The following NRXN3 variants were observed in gnomAD, a reference collection of about 807,000 sequenced individuals.
NRXN3 encodes the protein neurexin 3.
In NRXN3, 32 loss-of-function variants were observed where a neutral mutation model predicts 137.6. The observed-to-expected ratio is 0.23, with a 90% CI of 0.18 to 0.31. The LOEUF is 0.31. Ranked by LOEUF, NRXN3 falls within the 10% of genes least tolerant of loss-of-function variation. The pLI is 1.00. For synonymous variants in NRXN3, 798 were observed against 784.5 expected, an observed-to-expected ratio of 1.02 and a Z score of -0.29; for missense variants, 1,574 against 2,062.5, an observed-to-expected ratio of 0.76 and a Z score of 4.59.
At chr14:79,294,401 A>C (rs906740683) in intron 15 of NRXN3, among the ~76,000 whole-genome samples, 1 of 152,232 alleles carries the variant, frequency 6.6e-6, no homozygotes, top group Non-Finnish European at 1.5e-5. Flanking sequence ...TAGTTTGGGC[A>C]TATCCCTCTA....
chr14:79,626,555 T>C (rs2098283516), intron 16 of NRXN3, among the ~76,000 whole-genome samples: 7 of 152,198 alleles, frequency 4.6e-5, no homozygotes, highest in Admixed American at 4.6e-4. Context: ...CTCACATCTT[T>C]AGATCAAAAA....
intron 6 of NRXN3, among the ~76,000 whole-genome samples, chr14:78,663,981 T>C (rs2097861057): frequency 6.6e-6 from 1 of 152,222 alleles, no homozygotes; most frequent in Non-Finnish European, 1.5e-5. Context: ...TTGCGGTGCT[T>C]TTGTAACCTT....
At chr14:78,444,655 C>T (rs966769288) in intron 4 of NRXN3, among the ~76,000 whole-genome samples, 4 of 151,994 alleles carry the variant, frequency 2.6e-5, no homozygotes, top group Admixed American at 6.6e-5. Flanking sequence ...CGCAGTGGCT[C>T]ATGCCTGTAA....
chr14:78,545,083 T>C (rs983277053), intron 4 of NRXN3, among the ~76,000 whole-genome samples: 2 of 152,238 alleles, frequency 1.3e-5, no homozygotes, highest in Admixed American at 6.5e-5. Context: ...GGCATTCCTA[T>C]AGATGTAATT....
At chr14:78,947,258 T>C (rs1038531643) in intron 10 of NRXN3, among the ~76,000 whole-genome samples, 1 of 152,186 alleles carries the variant, frequency 6.6e-6, no homozygotes, top group African/African-American at 2.4e-5. Context: ...GTAATTACCA[T>C]GCCAAAGAGG....
At chr14:78,928,308 T>C (rs538444413) in intron 10 of NRXN3, among the ~76,000 whole-genome samples, 1 of 152,274 alleles carries the variant, frequency 6.6e-6, no homozygotes, top group East Asian at 1.9e-4. Context: ...ACAGGGATTT[T>C]TTTTTTAATA....
intron 16 of NRXN3, among the ~76,000 whole-genome samples, chr14:79,617,924 A>AAAAAAAAAAAAAAAAAAAAAC (rs2098177976): frequency 6.8e-6 from 1 of 146,452 alleles, no homozygotes; most frequent in Non-Finnish European, 1.5e-5. Context: ...CAGCAAAAAA[A>AAAAAAAAAAAAAAAAAAAAAC]AAAAAAAACA....
chr14:79,139,136 A>G (rs537834717), intron 15 of NRXN3, among the ~76,000 whole-genome samples: 7 of 152,380 alleles, frequency 4.6e-5, no homozygotes, highest in South Asian at 2.1e-4. Flanking sequence ...ATTTGAAATA[A>G]GAACATTGGA....
At chr14:79,007,499 A>C (rs575519947) in intron 15 of NRXN3, among the ~76,000 whole-genome samples, 68 of 151,292 alleles carry the variant, frequency 4.5e-4, no homozygotes, top group Admixed American at 7.9e-4. Context: ...AACCAACCAA[A>C]CAAACAAACA....
chr14:78,270,630 A>G (rs541919652), intron 2 of NRXN3, among the ~76,000 whole-genome samples: 2 of 152,348 alleles, frequency 1.3e-5, no homozygotes, highest in Admixed American at 1.3e-4. Flanking sequence ...TTTTCAGTTT[A>G]CAAGAGATGT....
At chr14:79,782,734 G>A (rs1027774505) in intron 19 of NRXN3, among the ~76,000 whole-genome samples, 2 of 152,248 alleles carry the variant, frequency 1.3e-5, no homozygotes, top group South Asian at 2.1e-4. Flanking sequence ...ACTTATATGA[G>A]TTGACAACAT....
intron 15 of NRXN3, among the ~76,000 whole-genome samples, chr14:79,183,559 G>A (rs2063180896): frequency 6.6e-6 from 1 of 152,298 alleles, no homozygotes; most frequent in East Asian, 1.9e-4. Context: ...ATATATCTAT[G>A]TATTTAAAGT....
chr14:79,045,417 C>T (rs76194919), intron 15 of NRXN3, among the ~76,000 whole-genome samples: 1 of 152,168 alleles, frequency 6.6e-6, no homozygotes, highest in Non-Finnish European at 1.5e-5. Flanking sequence ...AAGAATAAGC[C>T]TGCATCCCCA....
At chr14:78,574,299 C>T (rs899814910) in intron 4 of NRXN3, among the ~76,000 whole-genome samples, 1 of 152,214 alleles carries the variant, frequency 6.6e-6, no homozygotes, top group African/African-American at 2.4e-5. Flanking sequence ...GGGGCACTGC[C>T]TAGTGAAGCT....
chr14:78,892,575 A>G (rs187666146), intron 10 of NRXN3, among the ~76,000 whole-genome samples: 1 of 151,810 alleles, frequency 6.6e-6, no homozygotes, highest in Admixed American at 6.6e-5. Flanking sequence ...TACCCAGTGA[A>G]TGTAATTCAG....
chr14:79,050,294 C>G (rs2099640014), intron 15 of NRXN3, among the ~76,000 whole-genome samples: 1 of 152,168 alleles, frequency 6.6e-6, no homozygotes, highest in African/African-American at 2.4e-5. Context: ...TTAACGTCAT[C>G]ATAAATGGTA....
At chr14:79,484,482 C>T (rs958704448) in intron 16 of NRXN3, among the ~76,000 whole-genome samples, 5 of 152,110 alleles carry the variant, frequency 3.3e-5, no homozygotes, top group African/African-American at 9.7e-5. Context: ...TTTTGAAAAT[C>T]GGAAGGTTTA....
chr14:79,059,380 C>T (rs1269156421), intron 15 of NRXN3, among the ~76,000 whole-genome samples: 6 of 151,466 alleles, frequency 4.0e-5, no homozygotes, highest in African/African-American at 1.5e-4. Context: ...GCCTCAGCCT[C>T]CCAAGTAGCT....
chr14:79,709,207 G>A (rs887983090), intron 19 of NRXN3, among the ~76,000 whole-genome samples: 5 of 152,162 alleles, frequency 3.3e-5, no homozygotes, highest in Admixed American at 6.5e-5. Flanking sequence ...ATAGAGTATA[G>A]AGCAAGGCTC....
Sources: gnomAD v4.1 joint callset for allele counts (sites outside exome capture counted in the v4.1 genomes callset) on GRCh38, gnomAD v4.1.1 for gene constraint, MANE v1.5 for transcripts, NCBI Gene and HGNC (gene_info 2026-07-23, HGNC 2026-07-21) for gene names.